The following FSTL4 variants were observed in gnomAD, a reference collection of about 807,000 sequenced individuals.
FSTL4 encodes follistatin like 4, also known as follistatin-related protein 4.
In FSTL4, 28 loss-of-function variants were observed where a neutral mutation model predicts 78.2. That is an observed-to-expected ratio of 0.36 (90% confidence interval 0.27 to 0.49). FSTL4 has a LOEUF of 0.49. Ranked by LOEUF, FSTL4 falls within the 20% of genes least tolerant of loss-of-function variation. The pLI, the probability that FSTL4 is intolerant of heterozygous loss-of-function variation, is 0.98. For missense variants in FSTL4, 922 were observed against 1,084.9 expected (o/e 0.85, Z 2.11); for synonymous variants, 422 against 440.5 (o/e 0.96, Z 0.53).
At chr5:133,479,549 C>A (rs1447268365) in intron 3 of FSTL4, among the ~76,000 whole-genome samples, 1 of 152,152 alleles carries the variant, frequency 6.6e-6, no homozygotes, top group African/African-American at 2.4e-5. Context: ...CATGGAAGAA[C>A]CTCAAGAACA....
chr5:133,267,495 G>A (rs1391538411), intron 6 of FSTL4, among the ~76,000 whole-genome samples: 1 of 152,188 alleles, frequency 6.6e-6, no homozygotes, highest in Non-Finnish European at 1.5e-5. Flanking sequence ...GAGGCTGAAT[G>A]AGGTGAAGCA....
At chr5:133,291,038 G>A (rs774656616) in intron 6 of FSTL4, among the ~76,000 whole-genome samples, 19 of 152,224 alleles carry the variant, frequency 1.2e-4, no homozygotes, top group Non-Finnish European at 2.8e-4. Context: ...CTGAGCCTGC[G>A]CTCAAGGTCA....
At chr5:133,797,816 C>T in the FSTL4 span, among the ~76,000 whole-genome samples, 1 of 152,166 alleles carries the variant, frequency 6.6e-6, no homozygotes, top group Admixed American at 6.5e-5. Flanking sequence ...CCCTGAGCAG[C>T]GCTTTGCTCC....
chr5:133,397,394 A>G (rs1246542032), intron 4 of FSTL4, among the ~76,000 whole-genome samples: 1 of 152,220 alleles, frequency 6.6e-6, no homozygotes, highest in Non-Finnish European at 1.5e-5. Flanking sequence ...CTTGTGACTC[A>G]GGAGATCTGG....
intron 6 of FSTL4, among the ~76,000 whole-genome samples, chr5:133,253,425 G>GC (rs985120350): frequency 6.6e-6 from 1 of 152,198 alleles, no homozygotes; most frequent in Non-Finnish European, 1.5e-5. Flanking sequence ...GAGGGCTTGG[G>GC]CCCCCCTCGC....
At chr5:133,649,971 A>G in the FSTL4 span, among the ~76,000 whole-genome samples, 2 of 152,004 alleles carry the variant, frequency 1.3e-5, no homozygotes, top group Non-Finnish European at 2.9e-5. Context: ...TGCCAGCTGT[A>G]TAAGAAGCAT....
intron 6 of FSTL4, among the ~76,000 whole-genome samples, chr5:133,299,414 T>C (rs889294048): frequency 2.0e-5 from 3 of 152,186 alleles, no homozygotes; most frequent in African/African-American, 7.2e-5. Flanking sequence ...CCCCACCCTG[T>C]GCTGTCTCTG....
chr5:133,554,632 C>G (rs1335781289), intron 3 of FSTL4, among the ~76,000 whole-genome samples: 2 of 152,184 alleles, frequency 1.3e-5, no homozygotes, highest in African/African-American at 4.8e-5. Context: ...TCAACAACAA[C>G]AAGCTGCTTT....
the FSTL4 span, among the ~76,000 whole-genome samples, chr5:133,685,452 C>T: frequency 0.41 from 62,881 of 152,118 alleles, 13,262 homozygotes; most frequent in African/African-American, 0.5. Flanking sequence ...GCCTAGCACA[C>T]GCTGTGTCTA....
the FSTL4 span, among the ~76,000 whole-genome samples, chr5:133,774,772 T>C: frequency 6.6e-6 from 1 of 152,200 alleles, no homozygotes; most frequent in Non-Finnish European, 1.5e-5. Flanking sequence ...TGTTTTGCTA[T>C]CTCATAGAAA....
At chr5:133,718,791 T>A in the FSTL4 span, among the ~76,000 whole-genome samples, 1 of 152,360 alleles carries the variant, frequency 6.6e-6, no homozygotes, top group East Asian at 1.9e-4. Context: ...AGCAAGCATT[T>A]ACTCTTGTGA....
chr5:133,581,121 TA>T (rs1760394941), intron 2 of FSTL4, among the ~76,000 whole-genome samples: 1 of 152,226 alleles, frequency 6.6e-6, no homozygotes, highest in Non-Finnish European at 1.5e-5. Flanking sequence ...ACACTTATAT[TA>T]AAAATGGAAC....
intron 4 of FSTL4, among the ~76,000 whole-genome samples, chr5:133,329,413 T>A (rs906914546): frequency 6.6e-6 from 1 of 151,782 alleles, no homozygotes; most frequent in African/African-American, 2.4e-5. Flanking sequence ...ATATATATAT[T>A]TATTTATTAA....
chr5:133,722,519 CTATT>C, the FSTL4 span, among the ~76,000 whole-genome samples: 2 of 152,154 alleles, frequency 1.3e-5, no homozygotes, highest in Non-Finnish European at 2.9e-5. Flanking sequence ...ATTAAGTTGT[CTATT>C]TATATTCCTT....
the FSTL4 span, among the ~76,000 whole-genome samples, chr5:133,619,708 A>G: frequency 0.11 from 17,203 of 152,264 alleles, 1,255 homozygotes; most frequent in East Asian, 0.19. Flanking sequence ...AACAGTGGGC[A>G]TATAACAACT....
intron 14 of FSTL4, among the ~76,000 whole-genome samples, chr5:133,203,633 T>C (rs551309020): frequency 3.3e-5 from 5 of 152,178 alleles, no homozygotes; most frequent in African/African-American, 1.2e-4. Context: ...AAAAAACTCA[T>C]AGAAGTGGGT....
intron 2 of FSTL4, among the ~76,000 whole-genome samples, chr5:133,577,202 T>G (rs565757309): frequency 6.6e-6 from 1 of 152,290 alleles, no homozygotes; most frequent in Non-Finnish European, 1.5e-5. Flanking sequence ...GGGGCTAGTT[T>G]GAAAGCCAAG....
chr5:133,678,827 G>A, the FSTL4 span, among the ~76,000 whole-genome samples: 1 of 152,142 alleles, frequency 6.6e-6, no homozygotes, highest in African/African-American at 2.4e-5. Context: ...TTAAGGCCTG[G>A]AGAAGTCAGT....
At chr5:133,286,273 G>T (rs1753126973) in intron 6 of FSTL4, among the ~76,000 whole-genome samples, 1 of 152,144 alleles carries the variant, frequency 6.6e-6, no homozygotes, top group South Asian at 2.1e-4. Context: ...TTTTAGTGAG[G>T]ACTGAATATG....
Sources: allele counts gnomAD v4.1 joint callset (sites outside exome capture counted in the v4.1 genomes callset), GRCh38; gene constraint gnomAD v4.1.1; transcripts MANE v1.5; gene names NCBI Gene and HGNC (gene_info 2026-07-23, HGNC 2026-07-21).